The following RHOF variants were observed in gnomAD, a reference collection of about 807,000 sequenced individuals.
RHOF encodes rho-related GTP-binding protein RhoF.
In RHOF, 21 loss-of-function variants were observed where a neutral mutation model predicts 22.2. That is an observed-to-expected ratio of 0.95 (90% CI 0.67 to 1.36). The LOEUF (loss-of-function observed/expected upper bound fraction) is 1.36, where lower values mean the gene tolerates loss of function less well. RHOF is among the 40% of genes most tolerant of loss of function. The probability of loss-of-function intolerance (pLI) is 0.00; values close to 1 mark genes in which losing one functional copy is unlikely to be tolerated. For missense variants in RHOF, 285 were observed against 293.7 expected, an observed-to-expected ratio of 0.97 and a Z score of 0.22; for synonymous variants, 135 against 131.2, an observed-to-expected ratio of 1.03 and a Z score of -0.20.
rs1874333302 is a variant in RHOF, at chr12:121,778,769, C to G, written c.*729G>C. 6.6e-6 allele frequency: 1 copy of G among 152,306 alleles called. No individual in the cohort carries two copies. The highest frequency in any genetic ancestry group is 1.5e-5 in the Non-Finnish European group (1 of 68,142). The allele number at this position is 152,306 out of a possible 1,614,324, so 9.4% of individuals were successfully genotyped here. ...AACTTGCTCATGACCACACTGGGAG[C>G]CGACTGTTCTTCCCATCCCAAGTCT... On this transcript the variant is annotated 3_prime_UTR_variant, in exon 5 of 5. Coordinates refer to ENST00000267205, the MANE Select transcript of RHOF (RefSeq NM_019034.3).
chr12:121,793,443 C>G (rs1463209768), intron 1 of RHOF, 53 bp downstream of exon 1: 1 of 1,533,504 alleles, frequency 6.5e-7, no homozygotes, highest in Non-Finnish European at 8.7e-7. Flanking sequence ...GGGCTCTGGG[C>G]TCAGGGTAAG....
intron 2 of RHOF, among the ~76,000 whole-genome samples, chr12:121,783,628 G>A (rs11834522): frequency 0.18 from 27,645 of 151,892 alleles, 2,859 homozygotes; most frequent in African/African-American, 0.28. Context: ...GATTACAGGC[G>A]CCCACCACCA....
At chr12:121,780,838 A>C (rs895998057) in intron 4 of RHOF, 34 bp downstream of exon 4, 2 of 1,598,600 alleles carry the variant, frequency 1.3e-6, no homozygotes, top group Non-Finnish European at 1.7e-6. Context: ...CTTCACAGCC[A>C]CGGCTGTGCC....
In RHOF at chr12:121,781,065, C is replaced by T. The variant is rs1023040974; in HGVS notation, c.336+18G>A. ...CCGGGCCCAGATGTGGGGCCACCAC[C>T]CAGGAGGCCGGCCTCACCTTGATGA... On this transcript the variant is annotated intron_variant, in intron 3 of 4. Transcript: ENST00000267205. 6.2e-7 allele frequency: 1 copy of T among 1,614,028 alleles called. No homozygotes were observed. Among genetic ancestry groups the T allele is most frequent in the African/African-American group, 1.3e-5 (1 of 75,062 alleles).
chr12:121,781,388 T>C, intron 2 of RHOF, 196 bp from the exon 3 acceptor site: 1 of 562,684 alleles, frequency 1.8e-6, no homozygotes, highest in Non-Finnish European at 3.2e-6. Flanking sequence ...GGAGGATCGC[T>C]TGAGCCCAGG....
chr12:121,792,107 G>A (rs1394543549), intron 2 of RHOF, among the ~76,000 whole-genome samples: 1 of 132,680 alleles, frequency 7.5e-6, no homozygotes, highest in African/African-American at 3.3e-5. Context: ...ATGGAGGGGG[G>A]CTCTGAGCTA....
chr12:121,786,597 T>G (rs1223754751), intron 2 of RHOF, among the ~76,000 whole-genome samples: 1 of 152,200 alleles, frequency 6.6e-6, no homozygotes, highest in African/African-American at 2.4e-5. Flanking sequence ...GGGAGCAGTG[T>G]GGCTCCTTCC....
At chr12:121,785,511 A>G (rs1447890789) in intron 2 of RHOF, among the ~76,000 whole-genome samples, 2 of 141,232 alleles carry the variant, frequency 1.4e-5, no homozygotes, top group Non-Finnish European at 3.0e-5. Flanking sequence ...ACTGTAAGCT[A>G]CGCCTCCTGG....
chr12:121,780,806 C>T (rs1190328574), intron 4 of RHOF, 66 bp downstream of exon 4: 1 of 1,536,072 alleles, frequency 6.5e-7, no homozygotes, highest in Admixed American at 2.1e-5. Flanking sequence ...ACCCCAGTTG[C>T]AGAGGCCAAA....
At chr12:121,793,386 G>C in intron 1 of RHOF, 110 bp downstream of exon 1, 1 of 1,465,416 alleles carries the variant, frequency 6.8e-7, no homozygotes. Context: ...GGCGCCCCGG[G>C]GTGGCGGCCG....
At chr12:121,781,674 C>G (rs764058468) in intron 2 of RHOF, 1 of 160,848 alleles carries the variant, frequency 6.2e-6, no homozygotes, top group Non-Finnish European at 1.4e-5. Flanking sequence ...CTCCCCTCCC[C>G]AAAGATTCAG....
intron 2 of RHOF, among the ~76,000 whole-genome samples, chr12:121,783,801 GCCATC>G (rs1465947228): frequency 7.6e-4 from 115 of 152,164 alleles, no homozygotes; most frequent in Non-Finnish European, 1.5e-3. Context: ...TGGGGTTTTT[GCCATC>G]TTGGCCAGGC....
intron 2 of RHOF, among the ~76,000 whole-genome samples, chr12:121,789,287 T>C (rs1434689309): frequency 1.3e-5 from 2 of 151,190 alleles, no homozygotes; most frequent in Non-Finnish European, 2.9e-5. Context: ...ATGCACGTGC[T>C]TCTGGTGAGG....
chr12:121,785,517 C>A, intron 2 of RHOF, among the ~76,000 whole-genome samples: 1 of 151,000 alleles, frequency 6.6e-6, no homozygotes, highest in South Asian at 2.1e-4. Flanking sequence ...AGCTACGCCT[C>A]CTGGGTTCAA....
chr12:121,790,311 G>A (rs1190427480), intron 2 of RHOF, among the ~76,000 whole-genome samples: 1 of 152,270 alleles, frequency 6.6e-6, no homozygotes, highest in African/African-American at 2.4e-5. Flanking sequence ...CCGCCACTGT[G>A]TGTGGCCCAT....
At chr12:121,791,428 A>G (rs1874761300) in intron 2 of RHOF, among the ~76,000 whole-genome samples, 1 of 152,162 alleles carries the variant, frequency 6.6e-6, no homozygotes, top group Admixed American at 6.5e-5. Flanking sequence ...GACATCCCCA[A>G]TGATACGTAG....
chr12:121,787,154 C>T (rs1874631010), intron 2 of RHOF, among the ~76,000 whole-genome samples: 1 of 152,224 alleles, frequency 6.6e-6, no homozygotes. Context: ...CCTGGGAACA[C>T]AGGCGAGCTC....
intron 1 of RHOF, 43 bp downstream of exon 1, chr12:121,793,453 G>A: frequency 6.5e-7 from 1 of 1,535,968 alleles, no homozygotes; most frequent in Non-Finnish European, 8.7e-7. Flanking sequence ...CTCAGGGTAA[G>A]GGGCGTCCCT....
intron 2 of RHOF, among the ~76,000 whole-genome samples, chr12:121,785,243 G>A (rs1226245382): frequency 6.6e-6 from 1 of 152,056 alleles, no homozygotes; most frequent in African/African-American, 2.4e-5. Context: ...GCAGGACAGC[G>A]CACGATCTCA....
Sources: gnomAD v4.1 joint callset for allele counts (sites outside exome capture counted in the v4.1 genomes callset) on GRCh38, gnomAD v4.1.1 for gene constraint, MANE v1.5 for transcripts, NCBI Gene and HGNC (gene_info 2026-07-23, HGNC 2026-07-21) for gene names.